Variants in DDX10 observed in about 807,000 individuals in gnomAD.
DDX10 encodes the protein DEAD-box helicase 10, also known as probable ATP-dependent RNA helicase DDX10.
Under a neutral mutation model 104.3 loss-of-function variants are expected in DDX10, and 74 were observed. The ratio of observed to expected loss-of-function variants is 0.71; its 90% CI spans 0.59 to 0.86. The LOEUF (loss-of-function observed/expected upper bound fraction) is 0.86. Among genes scored for constraint, DDX10 ranks in the 40% least tolerant of loss-of-function variants. The pLI is 0.00. For synonymous variants in DDX10, 351 were observed against 353.4 expected, an observed-to-expected ratio of 0.99 and a Z score of 0.08; for missense variants, 952 against 1,040.0, an observed-to-expected ratio of 0.92 and a Z score of 1.16.
intron 13 of DDX10, among the ~76,000 whole-genome samples, chr11:108,798,426 T>C (rs933022319): frequency 2.6e-5 from 4 of 152,222 alleles, no homozygotes; most frequent in South Asian, 2.1e-4. Flanking sequence ...TCTATACCTT[T>C]TAAACAGTAA....
chr11:108,852,049 T>A, intron 15 of DDX10, 104 bp from the exon 16 acceptor site: 3 of 845,128 alleles, frequency 3.5e-6, no homozygotes, highest in Non-Finnish European at 5.6e-6. Flanking sequence ...GAAAAATGAA[T>A]GTCATATATT....
chr11:108,668,323 G>T (rs539067920), intron 1 of DDX10, among the ~76,000 whole-genome samples: 20 of 152,282 alleles, frequency 1.3e-4, no homozygotes, highest in African/African-American at 4.8e-4. Flanking sequence ...CAAACCAGTA[G>T]GCTTTACTGC....
intron 1 of DDX10, among the ~76,000 whole-genome samples, chr11:108,671,636 A>G (rs1012332705): frequency 4.6e-5 from 7 of 152,220 alleles, no homozygotes; most frequent in African/African-American, 1.7e-4. Context: ...TACATAGACA[A>G]TAAATAAATG....
At chr11:108,899,054 A>G (rs1863479271) in intron 16 of DDX10, among the ~76,000 whole-genome samples, 1 of 152,226 alleles carries the variant, frequency 6.6e-6, no homozygotes, top group African/African-American at 2.4e-5. Context: ...ATTGAACACA[A>G]GAAAGTTCAG....
chr11:108,735,663 A>G (rs993596738), intron 13 of DDX10, among the ~76,000 whole-genome samples: 1 of 152,044 alleles, frequency 6.6e-6, no homozygotes, highest in Admixed American at 6.6e-5. Context: ...TTTCTCCATG[A>G]TGGCTACTTC....
chr11:108,780,132 GA>G (rs1177369756), intron 13 of DDX10, among the ~76,000 whole-genome samples: 6 of 152,150 alleles, frequency 3.9e-5, no homozygotes, highest in African/African-American at 1.4e-4. Context: ...TGAAGATAAG[GA>G]CCATAGCTAT....
intron 13 of DDX10, among the ~76,000 whole-genome samples, chr11:108,747,811 G>T (rs2094333670): frequency 6.6e-6 from 1 of 152,016 alleles, no homozygotes. Context: ...TCCTCTTGCT[G>T]GAAACATTAT....
intron 16 of DDX10, among the ~76,000 whole-genome samples, chr11:108,893,841 T>C (rs1193059501): frequency 2.0e-5 from 3 of 152,016 alleles, no homozygotes; most frequent in Non-Finnish European, 4.4e-5. Flanking sequence ...CCAGAGAAAG[T>C]AATAGAAAAT....
intron 1 of DDX10, among the ~76,000 whole-genome samples, chr11:108,670,315 G>A (rs1266993599): frequency 6.6e-6 from 1 of 152,122 alleles, no homozygotes; most frequent in Non-Finnish European, 1.5e-5. Context: ...CGTGAAGGCT[G>A]AAGGAGAGGG....
intron 13 of DDX10, among the ~76,000 whole-genome samples, chr11:108,730,926 G>T (rs2094311332): frequency 6.6e-6 from 1 of 151,684 alleles, no homozygotes; most frequent in South Asian, 2.1e-4. Flanking sequence ...TGGGGCAGTT[G>T]ATAGGATTTT....
rs139706538 is a variant in DDX10 at position 108,691,215 on chromosome 11, T to C, written c.976-661T>C. ...ATTGAGCGACTGGATCACCAAAAAT[T>C]ATTTGGAATAATCCATTATGACTTT... On this transcript the variant is annotated intron_variant, in intron 7 of 17. Transcript: ENST00000322536. Among the ~76,000 whole-genome samples, 21 of 152,332 alleles carry C rather than the reference T, an allele frequency of 1.4e-4. No individual in the cohort carries two copies. In the East Asian group the frequency reaches 3.7e-3, roughly 27 times the overall value.
At chr11:108,922,965 T>A (rs1863854227) in intron 17 of DDX10, among the ~76,000 whole-genome samples, 1 of 152,240 alleles carries the variant, frequency 6.6e-6, no homozygotes, top group Admixed American at 6.5e-5. Context: ...ATGTGCTATT[T>A]TTGATGACAG....
chr11:108,741,708 A>G (rs554392249), intron 13 of DDX10, among the ~76,000 whole-genome samples: 26 of 152,268 alleles, frequency 1.7e-4, no homozygotes, highest in Admixed American at 7.2e-4. Flanking sequence ...GACAGAGACT[A>G]TGGGATTTCC....
At chr11:108,865,969 C>T (rs1171086404) in intron 16 of DDX10, among the ~76,000 whole-genome samples, 2 of 152,064 alleles carry the variant, frequency 1.3e-5, no homozygotes, top group African/African-American at 2.4e-5. Flanking sequence ...TTCCATGTGT[C>T]GGGTAGTATT....
At chr11:108,826,612 C>T (rs1862399170) in intron 13 of DDX10, among the ~76,000 whole-genome samples, 1 of 152,150 alleles carries the variant, frequency 6.6e-6, no homozygotes, top group Non-Finnish European at 1.5e-5. Context: ...GAAACTGTAA[C>T]CAACTTCTTC....
At chr11:108,822,121 A>G (rs1862332868) in intron 13 of DDX10, among the ~76,000 whole-genome samples, 1 of 152,258 alleles carries the variant, frequency 6.6e-6, no homozygotes, top group African/African-American at 2.4e-5. Context: ...GTTAGCATTT[A>G]CTGAATTGGA....
At chr11:108,756,378 G>A (rs1357262550) in intron 13 of DDX10, among the ~76,000 whole-genome samples, 1 of 152,050 alleles carries the variant, frequency 6.6e-6, no homozygotes, top group Non-Finnish European at 1.5e-5. Flanking sequence ...GGTTTAATCA[G>A]ATTGCAAACA....
chr11:108,818,729 G>A (rs966846161), intron 13 of DDX10, among the ~76,000 whole-genome samples: 2 of 152,166 alleles, frequency 1.3e-5, no homozygotes, highest in Non-Finnish European at 2.9e-5. Context: ...GAATGGTACC[G>A]GTTAGGAATA....
chr11:108,865,529 G>A (rs960217614), intron 16 of DDX10, among the ~76,000 whole-genome samples: 1 of 152,120 alleles, frequency 6.6e-6, no homozygotes, highest in Non-Finnish European at 1.5e-5. Flanking sequence ...CCTCCTTGGG[G>A]CTTTTGGAAG....
Sources: gnomAD v4.1 joint callset for allele counts (sites outside exome capture counted in the v4.1 genomes callset) on GRCh38, gnomAD v4.1.1 for gene constraint, MANE v1.5 for transcripts, NCBI Gene and HGNC (gene_info 2026-07-23, HGNC 2026-07-21) for gene names.